FER: variants seen among roughly 807,000 people sequenced by gnomAD.
FER encodes FER tyrosine kinase.
FER carries 63 observed loss-of-function variants against 111.0 expected under a neutral mutation model. That is an observed-to-expected ratio of 0.57 (90% CI 0.46 to 0.70). The LOEUF (loss-of-function observed/expected upper bound fraction) is 0.70, where lower values mean the gene tolerates loss of function less well. Among genes scored for constraint, FER ranks in the 30% least tolerant of loss-of-function variants. The pLI is 0.00. For synonymous variants in FER, 327 were observed against 313.9 expected (o/e 1.04, Z -0.44); for missense variants, 914 against 954.0 (o/e 0.96, Z 0.55).
At chr5:108,778,230 G>T (rs1753703718) in intron 2 of FER, among the ~76,000 whole-genome samples, 1 of 151,994 alleles carries the variant, frequency 6.6e-6, no homozygotes, top group South Asian at 2.1e-4. Context: ...TCCAAGTTTT[G>T]GCAATTATGA....
intron 13 of FER, among the ~76,000 whole-genome samples, chr5:108,982,965 C>T (rs547747449): frequency 2.0e-5 from 3 of 151,810 alleles, no homozygotes; most frequent in Non-Finnish European, 1.5e-5. Context: ...ATATGTTAAC[C>T]GTTTCTGTTA....
At chr5:109,148,809 G>A (rs1467808581) in intron 17 of FER, among the ~76,000 whole-genome samples, 7 of 152,104 alleles carry the variant, frequency 4.6e-5, no homozygotes, top group African/African-American at 7.2e-5. Flanking sequence ...AGTGGCTAGC[G>A]ATAGGCTTTG....
intron 17 of FER, among the ~76,000 whole-genome samples, chr5:109,154,055 A>G (rs1288208750): frequency 1.3e-5 from 2 of 149,450 alleles, no homozygotes; most frequent in African/African-American, 4.9e-5. Context: ...TAGCAAGAGT[A>G]TAGTTAATAT....
intron 18 of FER, among the ~76,000 whole-genome samples, chr5:109,181,771 AAATT>A (rs1321486021): frequency 1.3e-5 from 2 of 152,230 alleles, no homozygotes; most frequent in Non-Finnish European, 2.9e-5. Context: ...ACATACCATA[AAATT>A]AATTACTTTA....
chr5:108,845,057 T>TAC (rs1761874856), intron 5 of FER, among the ~76,000 whole-genome samples: 1 of 55,176 alleles, frequency 1.8e-5, no homozygotes, highest in Non-Finnish European at 3.4e-5. Context: ...TATATATATA[T>TAC]ATATATATAT....
At chr5:109,037,553 TC>T in intron 14 of FER, 75 bp downstream of exon 14, 1 of 1,209,278 alleles carries the variant, frequency 8.3e-7, no homozygotes, top group East Asian at 2.4e-5. Context: ...TTCATTTTCC[TC>T]AAAGCTTTTC....
At chr5:108,781,629 C>T (rs1374884640) in intron 2 of FER, among the ~76,000 whole-genome samples, 1 of 152,122 alleles carries the variant, frequency 6.6e-6, no homozygotes, top group Non-Finnish European at 1.5e-5. Context: ...AAGCATTCTA[C>T]AGTCCAATGA....
In FER at chr5:108,843,570, G is replaced by A. The variant is rs532819733; in HGVS notation, c.481+7763G>A. 2.0e-3 allele frequency among the ~76,000 whole-genome samples: 292 copies of A among 145,482 alleles called. 2 individuals are homozygous for A. Among genetic ancestry groups the A allele is most frequent in the African/African-American group, 6.8e-3 (267 of 39,280 alleles). ...TCCCAAGATGGAGTCTCGCTCTGTC[G>A]CCAGGCTGGAGTGCAGTGGTGTGAT... On this transcript the variant is annotated intron_variant, in intron 5 of 19. Coordinates refer to ENST00000281092, the MANE Select transcript of FER (RefSeq NM_005246.4).
intron 13 of FER, among the ~76,000 whole-genome samples, chr5:109,016,650 G>C (rs1767171564): frequency 6.6e-6 from 1 of 151,944 alleles, no homozygotes; most frequent in East Asian, 1.9e-4. Flanking sequence ...AAAAGCTTTT[G>C]TTGCAAAGCA....
intron 4 of FER, among the ~76,000 whole-genome samples, chr5:108,833,351 C>A (rs1760245840): frequency 6.6e-6 from 1 of 152,150 alleles, no homozygotes; most frequent in African/African-American, 2.4e-5. Context: ...CATTCGGAGT[C>A]TGTCTCTTCT....
chr5:108,801,913 A>G (rs1756696617), intron 3 of FER, among the ~76,000 whole-genome samples: 1 of 152,228 alleles, frequency 6.6e-6, no homozygotes, highest in African/African-American at 2.4e-5. Flanking sequence ...TGAGATGGCT[A>G]CTAAGTGAGT....
chr5:108,829,613 T>C (rs572222032), intron 3 of FER, among the ~76,000 whole-genome samples: 1 of 152,206 alleles, frequency 6.6e-6, no homozygotes, highest in Admixed American at 6.5e-5. Flanking sequence ...CACTCCAGCC[T>C]GGGTGACAGG....
chr5:109,122,221 C>G (rs1159574695), intron 17 of FER, among the ~76,000 whole-genome samples: 5 of 152,026 alleles, frequency 3.3e-5, no homozygotes, highest in Non-Finnish European at 7.4e-5. Context: ...CTAAACTTCC[C>G]TCTTAGTACT....
intron 10 of FER, among the ~76,000 whole-genome samples, chr5:108,915,583 A>G (rs1752162195): frequency 6.7e-6 from 1 of 150,160 alleles, no homozygotes; most frequent in South Asian, 2.1e-4. Context: ...TTATTCCACA[A>G]AGGACTTTTT....
rs566562659 is a variant in FER at position 109,060,639 on chromosome 5, G to T, written c.1924+13441G>T. ...GCGGAGGTTGCAGTGAGCTGAGATT[G>T]CATCACTGCACTCTGGCCTGGTGAC... is the stretch of plus-strand genomic sequence containing the variant. On this transcript the variant is annotated intron_variant, in intron 16 of 19. Transcript: ENST00000281092. Among the ~76,000 whole-genome samples, 4 of 152,052 alleles carry T rather than the reference G, an allele frequency of 2.6e-5. No individual in the cohort carries two copies. In the South Asian group the frequency reaches 8.3e-4, roughly 32 times the overall value.
intron 3 of FER, among the ~76,000 whole-genome samples, chr5:108,823,117 T>C (rs2150109854): frequency 6.6e-6 from 1 of 152,332 alleles, no homozygotes; most frequent in Middle Eastern, 3.4e-3. Flanking sequence ...TCTGCCCCCC[T>C]TGGCCTCCCA....
At chr5:108,777,701 G>A (rs1753642234) in intron 2 of FER, among the ~76,000 whole-genome samples, 1 of 152,170 alleles carries the variant, frequency 6.6e-6, no homozygotes, top group African/African-American at 2.4e-5. Context: ...AAAGAAAGAG[G>A]TTTATTGGAC....
At chr5:108,798,729 T>G (rs1756317056) in intron 3 of FER, among the ~76,000 whole-genome samples, 1 of 152,042 alleles carries the variant, frequency 6.6e-6, no homozygotes, top group South Asian at 2.1e-4. Context: ...GTGACTGTAG[T>G]CCTAGCTACT....
chr5:109,047,613 T>C (rs563510154), intron 16 of FER, among the ~76,000 whole-genome samples: 59 of 152,292 alleles, frequency 3.9e-4, no homozygotes, highest in African/African-American at 1.3e-3. Context: ...TTAATTTTTT[T>C]TTGTAGAAAT....
Sources: allele counts gnomAD v4.1 joint callset (sites outside exome capture counted in the v4.1 genomes callset), GRCh38; gene constraint gnomAD v4.1.1; transcripts MANE v1.5; gene names NCBI Gene and HGNC (gene_info 2026-07-23, HGNC 2026-07-21).